The following SVIL variants were observed in gnomAD, a reference collection of about 807,000 sequenced individuals.
SVIL encodes archvillin.
Under a neutral mutation model 240.4 loss-of-function variants are expected in SVIL, and 101 were observed. The ratio of observed to expected loss-of-function variants is 0.42; its 90% CI spans 0.36 to 0.50. SVIL has a LOEUF of 0.50. SVIL is among the 20% of genes least tolerant of loss of function. The pLI is 0.01. For missense variants in SVIL, 2,512 were observed against 2,818.7 expected, an observed-to-expected ratio of 0.89 and a Z score of 2.46; for synonymous variants, 999 against 1,100.0, an observed-to-expected ratio of 0.91 and a Z score of 1.82.
chr10:29,676,565 T>C (rs895136538), intron 2 of SVIL, among the ~76,000 whole-genome samples: 1 of 152,166 alleles, frequency 6.6e-6, no homozygotes, highest in African/African-American at 2.4e-5. Flanking sequence ...TTTGCAGAGA[T>C]TTCCTCTTGT....
chr10:29,518,636 A>C (rs1950368333), intron 16 of SVIL, among the ~76,000 whole-genome samples: 1 of 152,170 alleles, frequency 6.6e-6, no homozygotes, highest in Non-Finnish European at 1.5e-5. Context: ...CAGGCAGATC[A>C]CCTGAGGTCA....
intron 16 of SVIL, among the ~76,000 whole-genome samples, chr10:29,521,305 T>A (rs1950549382): frequency 6.6e-6 from 1 of 151,112 alleles, no homozygotes; most frequent in Admixed American, 6.6e-5. Flanking sequence ...TCTTAGGCAG[T>A]TTGAAATGTA....
chr10:29,491,731 G>A (rs766887032), intron 21 of SVIL, among the ~76,000 whole-genome samples: 6 of 152,112 alleles, frequency 3.9e-5, no homozygotes, highest in Non-Finnish European at 8.8e-5. Context: ...AGCTGCGCGG[G>A]CCTCTGTGCC....
At chr10:29,627,901 ATG>A (rs1467407139) in intron 1 of SVIL, among the ~76,000 whole-genome samples, 1 of 152,228 alleles carries the variant, frequency 6.6e-6, no homozygotes, top group African/African-American at 2.4e-5. Flanking sequence ...TGTGGCTAAA[ATG>A]AACATCCGGG....
intron 23 of SVIL, chr10:29,487,672 C>T (rs944864659): frequency 6.0e-6 from 1 of 166,512 alleles, no homozygotes; most frequent in African/African-American, 2.4e-5. Context: ...ACATCTGTGG[C>T]CCAGGCAAGG....
chr10:29,616,389 A>C (rs1957427277), intron 1 of SVIL, among the ~76,000 whole-genome samples: 1 of 152,204 alleles, frequency 6.6e-6, no homozygotes, highest in African/African-American at 2.4e-5. Context: ...AGGTTCGGGC[A>C]ATTGTGATAT....
chr10:29,649,566 C>T (rs951537866), intron 3 of SVIL, among the ~76,000 whole-genome samples: 1 of 152,050 alleles, frequency 6.6e-6, no homozygotes, highest in Non-Finnish European at 1.5e-5. Context: ...TTATGGTAGG[C>T]CATCTGTATT....
intron 16 of SVIL, among the ~76,000 whole-genome samples, chr10:29,517,388 C>T (rs1209194196): frequency 6.6e-6 from 1 of 152,046 alleles, no homozygotes; most frequent in African/African-American, 2.4e-5. Context: ...GATCGCACCA[C>T]TGCACTCCAG....
intron 5 of SVIL, 129 bp downstream of exon 5, chr10:29,554,654 T>TA (rs1953733791): frequency 8.0e-7 from 1 of 1,242,938 alleles, no homozygotes. Context: ...AACCTTGTGC[T>TA]AAAAAAATTA....
chr10:29,585,976 T>C (rs1221768347), intron 1 of SVIL, among the ~76,000 whole-genome samples: 2 of 152,272 alleles, frequency 1.3e-5, no homozygotes, highest in Non-Finnish European at 1.5e-5. Flanking sequence ...CTTTGGTCCA[T>C]GAGCCATAAC....
intron 6 of SVIL, among the ~76,000 whole-genome samples, chr10:29,542,672 A>G (rs1209946454): frequency 6.6e-6 from 1 of 152,236 alleles, no homozygotes; most frequent in Non-Finnish European, 1.5e-5. Flanking sequence ...TTTGTGTCAC[A>G]AACAATTGAT....
intron 17 of SVIL, among the ~76,000 whole-genome samples, chr10:29,509,550 T>A (rs1024985338): frequency 6.6e-6 from 1 of 152,084 alleles, no homozygotes; most frequent in Middle Eastern, 3.2e-3. Flanking sequence ...TCTTTTAGTA[T>A]AGAAATGAAA....
At chr10:29,655,921 G>C (rs541674573) in intron 3 of SVIL, among the ~76,000 whole-genome samples, 1 of 146,526 alleles carries the variant, frequency 6.8e-6, no homozygotes, top group African/African-American at 2.5e-5. Context: ...CTCTGTCACT[G>C]GAGTGCAGTG....
chr10:29,467,762 G>T lies in SVIL; in HGVS notation c.5957C>A (p.Ala1986Asp), dbSNP rs201112781. 3 of 1,614,036 alleles carry T rather than the reference G, an allele frequency of 1.9e-6. No homozygotes were observed. The highest frequency in any genetic ancestry group is 1.7e-6 in the Non-Finnish European group (2 of 1,180,026). The change falls in exon 33 of 38, where the codon GCC (alanine) becomes GAC (aspartate). Residue 1986 changes from alanine to aspartate, a missense_variant. By Grantham distance (126) the Ala-to-Asp change is moderately radical. Around this residue, in one of 3 missense-constraint regions of SVIL, gnomAD observed 797 missense variants for 925.3 expected, o/e 0.86. Coordinates refer to ENST00000355867, the MANE Select transcript of SVIL (RefSeq NM_021738.3). ...ATTACCTTGAAGCATGCAATCGTAG[G>T]CTTTCCTGTCTCTCCTTCCTAAGGC... Reference protein sequence around the residue: ...WDALGRRDRKAYDCMLQDPGS... With the variant: ...WDALGRRDRKDYDCMLQDPGS...
At chr10:29,527,552 G>A (rs1481730157) in intron 12 of SVIL, among the ~76,000 whole-genome samples, 1 of 151,724 alleles carries the variant, frequency 6.6e-6, no homozygotes, top group African/African-American at 2.4e-5. Flanking sequence ...TCAGCCTCCT[G>A]AGTAGCTGGG....
chr10:29,512,529 T>C (rs1949911919), intron 17 of SVIL, among the ~76,000 whole-genome samples: 2 of 152,236 alleles, frequency 1.3e-5, no homozygotes, highest in Non-Finnish European at 2.9e-5. Context: ...TGTGTGTGTG[T>C]TGCTGATCCC....
chr10:29,521,243 A>AG (rs1441558462), intron 16 of SVIL, among the ~76,000 whole-genome samples: 1 of 151,742 alleles, frequency 6.6e-6, no homozygotes, highest in East Asian at 1.9e-4. Flanking sequence ...AAAAAAAAAA[A>AG]AGGAAAGAAG....
chr10:29,487,463 C>G, intron 23 of SVIL, 164 bp from the exon 24 acceptor site: 1 of 748,180 alleles, frequency 1.3e-6, no homozygotes, highest in Non-Finnish European at 2.1e-6. Context: ...TTAGAAAGGG[C>G]ATGATGATGG....
At chr10:29,477,310 A>G (rs897725782) in intron 29 of SVIL, among the ~76,000 whole-genome samples, 9 of 152,268 alleles carry the variant, frequency 5.9e-5, no homozygotes, top group African/African-American at 2.2e-4. Context: ...ATGGTCAAGC[A>G]TTCTTGCACC....
Sources: gnomAD v4.1 joint callset for allele counts (sites outside exome capture counted in the v4.1 genomes callset) on GRCh38, gnomAD v4.1.1 for gene constraint, gnomAD v4.1.1 regional missense constraint, MANE v1.5 for transcripts, NCBI Gene and HGNC (gene_info 2026-07-23, HGNC 2026-07-21) for gene names.